HDAC9: variants seen among roughly 807,000 people sequenced by gnomAD.
HDAC9 encodes histone deacetylase 9.
In HDAC9, 41 loss-of-function variants were observed where a neutral mutation model predicts 139.4. The ratio of observed to expected loss-of-function variants is 0.29; its 90% CI spans 0.23 to 0.38. HDAC9 has a LOEUF of 0.38. Ranked by LOEUF, HDAC9 falls within the 10% of genes least tolerant of loss-of-function variation. HDAC9 has a pLI of 1.00. For synonymous variants in HDAC9, 517 were observed against 476.2 expected (o/e 1.09, Z -1.12); for missense variants, 1,147 against 1,297.0 (o/e 0.88, Z 1.78).
Position 18,631,936 on chromosome 7 carries a change from G to C in HDAC9, c.796+2455G>C, listed in dbSNP as rs953246379. ...ACAGTAGTTGTTGCCCTGAATTCTA[G>C]TGCTTATCACAGTGATTTCTACATA... is the stretch of plus-strand genomic sequence containing the variant. On this transcript the variant is annotated intron_variant, in intron 7 of 25. Coordinates refer to ENST00000686413, the MANE Select transcript of HDAC9 (RefSeq NM_178425.4). Among the ~76,000 whole-genome samples the C allele has an allele frequency of 2.0e-5, 3 of 151,960 alleles. No individual in the cohort carries two copies. In the East Asian group the frequency reaches 5.8e-4, roughly 29 times the overall value.
At chr7:18,330,999 C>G (rs1177348104) in intron 1 of HDAC9, among the ~76,000 whole-genome samples, 1 of 151,648 alleles carries the variant, frequency 6.6e-6, no homozygotes, top group Non-Finnish European at 1.5e-5. Context: ...TACATGAATA[C>G]AATTTGAGTT....
intron 22 of HDAC9, among the ~76,000 whole-genome samples, chr7:18,880,413 C>G (rs1332120247): frequency 1.3e-5 from 2 of 152,122 alleles, no homozygotes; most frequent in Admixed American, 1.3e-4. Context: ...AACTTAAGTG[C>G]CCATCAATGA....
At chr7:18,786,027 G>T (rs1339507880) in intron 16 of HDAC9, among the ~76,000 whole-genome samples, 1 of 152,082 alleles carries the variant, frequency 6.6e-6, no homozygotes, top group Non-Finnish European at 1.5e-5. Flanking sequence ...ATAGAGTAGG[G>T]AAGTATATAA....
At chr7:18,561,635 A>AT (rs1444260458) in intron 2 of HDAC9, among the ~76,000 whole-genome samples, 2 of 128,644 alleles carry the variant, frequency 1.6e-5, no homozygotes, top group Non-Finnish European at 3.2e-5. Context: ...TCACTAATCT[A>AT]TTTTTTTATC....
intron 22 of HDAC9, among the ~76,000 whole-genome samples, chr7:18,891,884 G>A (rs959947760): frequency 1.3e-5 from 2 of 152,114 alleles, no homozygotes; most frequent in African/African-American, 4.8e-5. Context: ...CATTCCCTCT[G>A]GGGGTGATCT....
intron 23 of HDAC9, among the ~76,000 whole-genome samples, chr7:18,940,691 C>G (rs1781965622): frequency 6.6e-6 from 1 of 152,080 alleles, no homozygotes; most frequent in South Asian, 2.1e-4. Context: ...TTTTGGTAAT[C>G]TGTATTTGAG....
At chr7:18,364,856 A>G (rs1333369935) in intron 1 of HDAC9, among the ~76,000 whole-genome samples, 1 of 152,142 alleles carries the variant, frequency 6.6e-6, no homozygotes, top group Non-Finnish European at 1.5e-5. Flanking sequence ...AGGAAGCTCA[A>G]AAATTAATCA....
chr7:18,875,819 T>G (rs1289417219), intron 22 of HDAC9, among the ~76,000 whole-genome samples: 1 of 152,154 alleles, frequency 6.6e-6, no homozygotes, highest in Non-Finnish European at 1.5e-5. Context: ...AAACCTCACT[T>G]GTGGGTCAGA....
chr7:18,229,817 G>C (rs1030843990), intron 2 of HDAC9, among the ~76,000 whole-genome samples: 9 of 152,100 alleles, frequency 5.9e-5, no homozygotes, highest in African/African-American at 2.2e-4. Context: ...ATGATTCAAA[G>C]ATCAAATTCT....
chr7:18,909,707 G>A (rs1180684217), intron 22 of HDAC9, among the ~76,000 whole-genome samples: 2 of 151,700 alleles, frequency 1.3e-5, no homozygotes, highest in Non-Finnish European at 1.5e-5. Context: ...TGCATGATGC[G>A]GAGACTGTCC....
At chr7:18,260,308 TTTG>T (rs753010848) in intron 2 of HDAC9, among the ~76,000 whole-genome samples, 3,119 of 120,316 alleles carry the variant, frequency 0.026, 35 homozygotes, top group African/African-American at 0.045. Flanking sequence ...GACACTTTTT[TTTG>T]TTTTTTTTTT....
chr7:18,947,313 G>C (rs986163063), intron 23 of HDAC9, among the ~76,000 whole-genome samples: 1 of 151,876 alleles, frequency 6.6e-6, no homozygotes, highest in Non-Finnish European at 1.5e-5. Context: ...TAAAGTCAGA[G>C]GTTGATTCTT....
At chr7:18,120,613 G>A (rs935848383) in intron 1 of HDAC9, among the ~76,000 whole-genome samples, 7 of 152,022 alleles carry the variant, frequency 4.6e-5, no homozygotes, top group Admixed American at 1.3e-4. Flanking sequence ...GGTAGGCAGC[G>A]GGGAGAAAAG....
At chr7:18,477,997 G>GC (rs1191066904) in intron 1 of HDAC9, among the ~76,000 whole-genome samples, 3 of 151,944 alleles carry the variant, frequency 2.0e-5, no homozygotes, top group Admixed American at 2.0e-4. Flanking sequence ...TACTTTAATT[G>GC]CCCAAGGGTT....
chr7:18,514,015 C>G (rs1802406889), intron 2 of HDAC9, among the ~76,000 whole-genome samples: 1 of 152,096 alleles, frequency 6.6e-6, no homozygotes, highest in African/African-American at 2.4e-5. Flanking sequence ...AATGTGTTGC[C>G]TTTTCACAAA....
At chr7:18,815,051 G>T (rs1794461937) in intron 17 of HDAC9, among the ~76,000 whole-genome samples, 1 of 151,978 alleles carries the variant, frequency 6.6e-6, no homozygotes, top group Non-Finnish European at 1.5e-5. Context: ...TTACAATGGG[G>T]CATTCGTTGG....
chr7:18,835,776 G>T, intron 20 of HDAC9, 124 bp from the exon 21 acceptor site: 1 of 983,114 alleles, frequency 1.0e-6, no homozygotes, highest in Non-Finnish European at 1.6e-6. Flanking sequence ...AGGGAAGGTT[G>T]GGCTGATTTG....
chr7:18,652,614 C>T (rs1789659960), intron 11 of HDAC9, among the ~76,000 whole-genome samples: 1 of 152,050 alleles, frequency 6.6e-6, no homozygotes, highest in African/African-American at 2.4e-5. Flanking sequence ...GCCCCATCCC[C>T]TTGACAACAT....
At chr7:18,894,950 A>T (rs61264586) in intron 22 of HDAC9, among the ~76,000 whole-genome samples, 41,732 of 151,890 alleles carry the variant, frequency 0.27, 6,010 homozygotes, top group African/African-American at 0.34. Context: ...GGTGGGAGAT[A>T]TATGAAGTGT....
Sources: allele counts gnomAD v4.1 joint callset (sites outside exome capture counted in the v4.1 genomes callset), GRCh38; gene constraint gnomAD v4.1.1; transcripts MANE v1.5; gene names NCBI Gene and HGNC (gene_info 2026-07-23, HGNC 2026-07-21).